PPP1R12A: variants seen among roughly 807,000 people sequenced by gnomAD.
The protein encoded by PPP1R12A is myosin binding subunit.
Under a neutral mutation model 139.6 loss-of-function variants are expected in PPP1R12A, and 19 were observed. That is an observed-to-expected ratio of 0.14 (90% confidence interval 0.09 to 0.20). PPP1R12A has a LOEUF of 0.20. Among genes scored for constraint, PPP1R12A ranks in the 10% least tolerant of loss-of-function variants. PPP1R12A has a pLI of 1.00. For missense variants in PPP1R12A, 925 were observed against 1,211.5 expected (o/e 0.76, Z 3.51); for synonymous variants, 427 against 420.6 (o/e 1.02, Z -0.19).
At chr12:79,812,460 T>C (rs1874726406) in intron 9 of PPP1R12A, among the ~76,000 whole-genome samples, 4 of 151,592 alleles carry the variant, frequency 2.6e-5, no homozygotes, top group African/African-American at 9.7e-5. Context: ...TGTGTGTGTG[T>C]GTGTGTACAA....
At chr12:79,929,486 C>A (rs1888090651) in intron 1 of PPP1R12A, among the ~76,000 whole-genome samples, 1 of 152,112 alleles carries the variant, frequency 6.6e-6, no homozygotes, top group African/African-American at 2.4e-5. Flanking sequence ...ATTTTTTAGG[C>A]CGGCCACAGT....
chr12:79,909,988 C>T (rs1465503160), intron 1 of PPP1R12A, among the ~76,000 whole-genome samples: 1 of 151,914 alleles, frequency 6.6e-6, no homozygotes, highest in African/African-American at 2.4e-5. Context: ...GCCTGAGCCA[C>T]CCCGCCCAGC....
chr12:79,805,896 C>T, intron 13 of PPP1R12A, 128 bp from the exon 14 acceptor site: 1 of 1,086,214 alleles, frequency 9.2e-7, no homozygotes, highest in South Asian at 1.8e-5. Context: ...GTGAGACATC[C>T]TTAAATTATG....
chr12:79,832,509 G>T lies in PPP1R12A; in HGVS notation c.488-18C>A. On this transcript the variant is annotated intron_variant, in intron 3 of 24. Coordinates refer to ENST00000450142, the MANE Select transcript of PPP1R12A (RefSeq NM_002480.3). ...ATCAACCCCTGATAAAATAAAAATA[G>T]TTCTTTTTATTTTTGCTTAAAAATT... 6.4e-7 allele frequency: 1 copy of T among 1,555,242 alleles called. No individual in the cohort carries two copies. Among genetic ancestry groups the T allele is most frequent in the Middle Eastern group, 1.7e-4 (1 of 5,826 alleles).
Position 79,934,954 on chromosome 12 carries a change from T to G in PPP1R12A, c.-23A>C. The G allele has an allele frequency of 6.4e-7, 1 of 1,563,612 alleles. No homozygotes were observed. The highest frequency in any genetic ancestry group is 8.7e-7 in the Non-Finnish European group (1 of 1,152,450). On this transcript the variant is annotated 5_prime_UTR_variant, in exon 1 of 25. Coordinates refer to ENST00000450142, the MANE Select transcript of PPP1R12A (RefSeq NM_002480.3). ...CATCCCCTCTCCTGCCGCCGGGTCT[T>G]CTTATCGCGAGGGGGGGAAGGGGGA...
intron 19 of PPP1R12A, 147 bp downstream of exon 19, chr12:79,793,716 C>T (rs1385004131): frequency 1.7e-6 from 1 of 582,228 alleles, no homozygotes; most frequent in Non-Finnish European, 2.9e-6. Context: ...TAATCCTGAT[C>T]CCCAGGCAAA....
intron 21 of PPP1R12A, chr12:79,788,039 A>G (rs1871336151): frequency 6.6e-6 from 1 of 152,362 alleles, no homozygotes; most frequent in Admixed American, 6.5e-5. Flanking sequence ...TGAATAAATG[A>G]TGAATCTTAC....
At chr12:79,902,958 T>G (rs1438035366) in intron 1 of PPP1R12A, among the ~76,000 whole-genome samples, 1 of 151,786 alleles carries the variant, frequency 6.6e-6, no homozygotes, top group Non-Finnish European at 1.5e-5. Context: ...CATGCAGGCA[T>G]ACCCACAAAA....
chr12:79,849,305 T>C (rs1879773200), intron 2 of PPP1R12A, among the ~76,000 whole-genome samples: 1 of 152,180 alleles, frequency 6.6e-6, no homozygotes, highest in South Asian at 2.1e-4. Context: ...GAGAATCACT[T>C]GAACCCAGAA....
chr12:79,930,539 G>A (rs1030783306), intron 1 of PPP1R12A, among the ~76,000 whole-genome samples: 8 of 152,214 alleles, frequency 5.3e-5, no homozygotes, highest in East Asian at 1.9e-4. Flanking sequence ...TTGGGAGGCC[G>A]AGGCAGGTGG....
chr12:79,839,469 G>A (rs1212678907), intron 3 of PPP1R12A, among the ~76,000 whole-genome samples: 1 of 152,100 alleles, frequency 6.6e-6, no homozygotes, highest in Non-Finnish European at 1.5e-5. Context: ...CCAGGAGTGG[G>A]ATGATATGAT....
At chr12:79,782,533 C>T (rs1410364276) in intron 22 of PPP1R12A, 1 of 453,372 alleles carries the variant, frequency 2.2e-6, no homozygotes, top group Non-Finnish European at 4.4e-6. Flanking sequence ...ATAAGCTTGG[C>T]TTTAAGGGAT....
At chr12:79,843,050 G>T (rs908753250) in intron 3 of PPP1R12A, among the ~76,000 whole-genome samples, 2 of 151,490 alleles carry the variant, frequency 1.3e-5, no homozygotes, top group Admixed American at 6.6e-5. Flanking sequence ...TTTGTTTTTG[G>T]TTTTTTTTGA....
At chr12:79,865,041 C>T (rs1366535639) in intron 2 of PPP1R12A, among the ~76,000 whole-genome samples, 4 of 152,134 alleles carry the variant, frequency 2.6e-5, no homozygotes, top group Non-Finnish European at 5.9e-5. Flanking sequence ...GCCAATATTC[C>T]TGATGAACAT....
chr12:79,913,418 T>C (rs1592821934), intron 1 of PPP1R12A, among the ~76,000 whole-genome samples: 2 of 152,360 alleles, frequency 1.3e-5, no homozygotes, highest in African/African-American at 4.8e-5. Flanking sequence ...TTTCCCCATA[T>C]AGACAGGTTG....
intron 1 of PPP1R12A, among the ~76,000 whole-genome samples, chr12:79,897,202 G>A (rs567329320): frequency 9.2e-5 from 14 of 152,142 alleles, no homozygotes; most frequent in Non-Finnish European, 1.8e-4. Context: ...GAATTCTAGA[G>A]AGCCATAAAA....
intron 1 of PPP1R12A, among the ~76,000 whole-genome samples, chr12:79,928,423 C>A (rs566550921): frequency 2.0e-5 from 3 of 152,188 alleles, no homozygotes; most frequent in Non-Finnish European, 4.4e-5. Flanking sequence ...AGTGAGGGGC[C>A]AGTTTGGGGT....
chr12:79,878,481 C>T (rs764674203), intron 1 of PPP1R12A: 1 of 152,058 alleles, frequency 6.6e-6, no homozygotes, highest in Non-Finnish European at 1.5e-5. Context: ...GGAGAAAACA[C>T]ACAATGTATT....
At chr12:79,838,994 A>C (rs1450947926) in intron 3 of PPP1R12A, among the ~76,000 whole-genome samples, 1 of 152,182 alleles carries the variant, frequency 6.6e-6, no homozygotes, top group East Asian at 1.9e-4. Context: ...TGCCTAGAAA[A>C]GACAGAGACA....
Sources: gnomAD v4.1 joint callset for allele counts (sites outside exome capture counted in the v4.1 genomes callset) on GRCh38, gnomAD v4.1.1 for gene constraint, MANE v1.5 for transcripts, NCBI Gene and HGNC (gene_info 2026-07-23, HGNC 2026-07-21) for gene names.